MDGA2: variants seen among roughly 807,000 people sequenced by gnomAD.
The protein encoded by MDGA2 is MAM domain containing glycosylphosphatidylinositol anchor 2.
MDGA2 carries 40 observed loss-of-function variants against 117.8 expected under a neutral mutation model. The observed-to-expected ratio is 0.34, with a 90% confidence interval of 0.26 to 0.44. The LOEUF is 0.44. MDGA2 is among the 20% of genes least tolerant of loss of function. MDGA2 has a pLI of 1.00. For missense variants in MDGA2, 1,123 were observed against 1,250.6 expected (o/e 0.90, Z 1.54); for synonymous variants, 452 against 439.0 (o/e 1.03, Z -0.37).
At chr14:47,493,217 T>C (rs1052816507) in intron 1 of MDGA2, among the ~76,000 whole-genome samples, 2 of 151,238 alleles carry the variant, frequency 1.3e-5, no homozygotes, top group Non-Finnish European at 2.9e-5. Flanking sequence ...TCTGAAAGAA[T>C]TGAATAGACA....
At chr14:47,222,452 C>T (rs1276744739) in intron 2 of MDGA2, among the ~76,000 whole-genome samples, 3 of 151,846 alleles carry the variant, frequency 2.0e-5, no homozygotes, top group African/African-American at 7.3e-5. Flanking sequence ...AAAAAGCAAA[C>T]AAAATTAAAA....
intron 6 of MDGA2, among the ~76,000 whole-genome samples, chr14:47,091,907 C>T (rs1277285366): frequency 6.6e-6 from 1 of 152,050 alleles, no homozygotes; most frequent in Non-Finnish European, 1.5e-5. Context: ...CCTGAATGAC[C>T]ACATGGAACA....
intron 16 of MDGA2, among the ~76,000 whole-genome samples, chr14:46,843,206 A>G (rs945746494): frequency 2.0e-5 from 3 of 152,178 alleles, no homozygotes; most frequent in African/African-American, 4.8e-5. Context: ...TGAAGTCCCT[A>G]TGGGCTTTCA....
intron 1 of MDGA2, among the ~76,000 whole-genome samples, chr14:47,461,952 A>C (rs1893495893): frequency 6.6e-6 from 1 of 152,208 alleles, no homozygotes. Context: ...TAATTGATTG[A>C]GGACAGTAAA....
At chr14:47,017,813 T>A (rs1888137883) in intron 8 of MDGA2, among the ~76,000 whole-genome samples, 1 of 152,138 alleles carries the variant, frequency 6.6e-6, no homozygotes, top group Admixed American at 6.5e-5. Flanking sequence ...CTTCTAATGA[T>A]CTAAAACACA....
intron 8 of MDGA2, among the ~76,000 whole-genome samples, chr14:46,965,729 T>C (rs1483749839): frequency 2.6e-5 from 4 of 152,154 alleles, no homozygotes; most frequent in Admixed American, 6.5e-5. Context: ...ATGAAATGTA[T>C]AGTGTGAAAA....
chr14:47,599,086 T>C (rs1296888342), intron 1 of MDGA2, among the ~76,000 whole-genome samples: 2 of 152,034 alleles, frequency 1.3e-5, no homozygotes, highest in African/African-American at 2.4e-5. Flanking sequence ...TTCCCATCAG[T>C]TTATTTCATC....
intron 15 of MDGA2, among the ~76,000 whole-genome samples, chr14:46,849,864 C>T (rs1002805514): frequency 1.3e-5 from 2 of 151,644 alleles, no homozygotes; most frequent in Admixed American, 6.6e-5. Context: ...CTCTTCAGTA[C>T]TTCTGAAATG....
intron 1 of MDGA2, among the ~76,000 whole-genome samples, chr14:47,400,644 C>T (rs904837511): frequency 7.3e-5 from 11 of 149,974 alleles, no homozygotes; most frequent in Admixed American, 6.6e-5. Context: ...TGAGATCGTG[C>T]CACTGCACTC....
At chr14:47,537,574 TAAAAAAAAAAAAAAAAAAAAAAAA>T (rs58060138) in intron 1 of MDGA2, among the ~76,000 whole-genome samples, 6 of 36,636 alleles carry the variant, frequency 1.6e-4, no homozygotes, top group South Asian at 1.4e-3. Context: ...TTCTCTCTGT[TAAAAAAAAAAAAAAAAAAAAAAAA>T]AAAAAAAAAA....
intron 9 of MDGA2, among the ~76,000 whole-genome samples, chr14:46,943,724 T>A (rs1250651936): frequency 6.6e-6 from 1 of 152,110 alleles, no homozygotes; most frequent in East Asian, 1.9e-4. Flanking sequence ...TAGCTCTAAA[T>A]ATGCTGTGAA....
chr14:47,128,306 T>TGAGATAA (rs2139134809), intron 5 of MDGA2, among the ~76,000 whole-genome samples: 1 of 152,164 alleles, frequency 6.6e-6, no homozygotes, highest in African/African-American at 2.4e-5. Flanking sequence ...ATAAAAACAC[T>TGAGATAA]AAAGATTTTA....
chr14:47,008,242 A>T (rs974233766), intron 8 of MDGA2, among the ~76,000 whole-genome samples: 2 of 151,922 alleles, frequency 1.3e-5, no homozygotes, highest in Non-Finnish European at 2.9e-5. Flanking sequence ...AAGAAGGGCA[A>T]AGATACTATG....
intron 2 of MDGA2, among the ~76,000 whole-genome samples, chr14:47,218,460 A>G (rs888502647): frequency 3.3e-5 from 5 of 152,198 alleles, no homozygotes; most frequent in South Asian, 2.1e-4. Context: ...AATATAAACT[A>G]TAACATAAAG....
chr14:47,008,669 T>G (rs1381140082), intron 8 of MDGA2, among the ~76,000 whole-genome samples: 1 of 151,918 alleles, frequency 6.6e-6, no homozygotes, highest in East Asian at 1.9e-4. Flanking sequence ...TCACTTAAAC[T>G]TTTAAGCTAT....
chr14:46,914,720 G>A (rs1380737270), intron 10 of MDGA2, among the ~76,000 whole-genome samples: 1 of 151,998 alleles, frequency 6.6e-6, no homozygotes, highest in Non-Finnish European at 1.5e-5. Flanking sequence ...TCTGCTATTA[G>A]TCTTAAAGAA....
At chr14:47,222,261 T>G (rs1256544027) in intron 2 of MDGA2, among the ~76,000 whole-genome samples, 1 of 152,022 alleles carries the variant, frequency 6.6e-6, no homozygotes, top group Non-Finnish European at 1.5e-5. Flanking sequence ...TTATGTAAAC[T>G]AAAATCAATC....
chr14:47,209,115 CCT>C (rs911731762), intron 3 of MDGA2, among the ~76,000 whole-genome samples: 2 of 151,882 alleles, frequency 1.3e-5, no homozygotes, highest in Non-Finnish European at 2.9e-5. Flanking sequence ...ATCACTTTTC[CCT>C]TAGTACTTTT....
chr14:47,283,638 T>G (rs1211843013), intron 2 of MDGA2, among the ~76,000 whole-genome samples: 1 of 152,250 alleles, frequency 6.6e-6, no homozygotes, highest in East Asian at 1.9e-4. Flanking sequence ...ATCTTTTTGA[T>G]GCTCGGTGCT....
Sources: gnomAD v4.1 joint callset for allele counts (sites outside exome capture counted in the v4.1 genomes callset) on GRCh38, gnomAD v4.1.1 for gene constraint, MANE v1.5 for transcripts, NCBI Gene and HGNC (gene_info 2026-07-23, HGNC 2026-07-21) for gene names.